POLN: variants seen among roughly 807,000 people sequenced by gnomAD.
POLN encodes DNA polymerase nu.
POLN carries 108 observed loss-of-function variants against 113.5 expected under a neutral mutation model. The observed-to-expected ratio is 0.95, with a 90% confidence interval of 0.81 to 1.12. The LOEUF is 1.12. POLN is among the 50% of genes most tolerant of loss of function. The pLI is 0.00. For missense variants in POLN, 1,097 were observed against 1,077.1 expected (o/e 1.02, Z -0.26); for synonymous variants, 386 against 391.5 (o/e 0.99, Z 0.17).
chr4:2,206,579 T>C (rs1190130342), intron 5 of POLN, among the ~76,000 whole-genome samples: 1 of 152,002 alleles, frequency 6.6e-6, no homozygotes, highest in Admixed American at 6.5e-5. Context: ...CATCAAAAAG[T>C]GGGCTAAGGA....
intron 6 of POLN, among the ~76,000 whole-genome samples, chr4:2,197,687 T>C (rs1203607688): frequency 6.6e-6 from 1 of 152,154 alleles, no homozygotes; most frequent in Non-Finnish European, 1.5e-5. Flanking sequence ...AAATGAAGGG[T>C]TCTGTTGGGA....
At chr4:2,218,277 C>CAAAAAAAAAAA (rs376746658) in intron 3 of POLN, among the ~76,000 whole-genome samples, 4 of 89,798 alleles carry the variant, frequency 4.5e-5, no homozygotes, top group African/African-American at 1.5e-4. Context: ...ACTAAAAATA[C>CAAAAAAAAAAA]AAAAAAAAAA....
At chr4:2,073,138 C>T in intron 24 of POLN, 109 bp from the exon 25 acceptor site, 1 of 1,054,976 alleles carries the variant, frequency 9.5e-7, no homozygotes, top group African/African-American at 1.6e-5. Context: ...CCCTGAGCCC[C>T]CTTGTTTCCT....
intron 25 of POLN, 112 bp from the exon 26 acceptor site, chr4:2,072,411 A>G: frequency 1.1e-6 from 1 of 901,990 alleles, no homozygotes; most frequent in Non-Finnish European, 1.6e-6. Flanking sequence ...ACACATCCAG[A>G]TACATGATCA....
At chr4:2,174,497 C>G (rs890767263) in intron 10 of POLN, among the ~76,000 whole-genome samples, 194 bp downstream of exon 10, 2 of 152,162 alleles carry the variant, frequency 1.3e-5, no homozygotes, top group Non-Finnish European at 2.9e-5. Context: ...GTCAGAACCT[C>G]GAGTCTTTCC....
intron 16 of POLN, among the ~76,000 whole-genome samples, chr4:2,136,376 A>G (rs1373970520): frequency 6.6e-6 from 1 of 152,228 alleles, no homozygotes; most frequent in Non-Finnish European, 1.5e-5. Flanking sequence ...CCGCAGAGGA[A>G]GGCACCTGTG....
At chr4:2,233,456 A>G (rs1487241676) in intron 2 of POLN, among the ~76,000 whole-genome samples, 2 of 152,122 alleles carry the variant, frequency 1.3e-5, no homozygotes, top group African/African-American at 4.8e-5. Flanking sequence ...TCACATTTTA[A>G]CATATCTGAA....
intron 13 of POLN, among the ~76,000 whole-genome samples, chr4:2,166,538 T>C (rs1384409816): frequency 6.6e-6 from 1 of 152,150 alleles, no homozygotes; most frequent in Non-Finnish European, 1.5e-5. Context: ...TGTGCGAGTG[T>C]TTCCAGAGGA....
At chr4:2,106,582 C>G (rs929406292) in intron 19 of POLN, among the ~76,000 whole-genome samples, 4 of 152,202 alleles carry the variant, frequency 2.6e-5, no homozygotes, top group African/African-American at 9.7e-5. Flanking sequence ...CCTCTTTCAG[C>G]ACACACAGGA....
intron 3 of POLN, chr4:2,228,324 T>C (rs1734454400): frequency 1.8e-5 from 4 of 224,722 alleles, no homozygotes; most frequent in South Asian, 1.7e-4. Context: ...TTCAGTGACA[T>C]TTGTGAGCAT....
In POLN at chr4:2,126,459, T is replaced by C. The variant is rs1262561255; in HGVS notation, c.1982+1654A>G. On this transcript the variant is annotated intron_variant, in intron 19 of 25. Transcript: ENST00000511885. This position sits in a 1 kb window ranked among gnomAD's most constrained non-coding sequence, Gnocchi z 4.6. The stretch of plus-strand genomic sequence containing the variant: ...AGTCCCCACCCTTTGTGGAGCACAG[T>C]AGGGACGAGGGTGGATGAGGTCTCG... Among the ~76,000 whole-genome samples the C allele has an allele frequency of 6.6e-6, 1 of 152,148 alleles. No homozygotes were observed. Among genetic ancestry groups the C allele is most frequent in the Non-Finnish European group, 1.5e-5 (1 of 68,016 alleles).
chr4:2,105,532 T>C (rs971858125), intron 19 of POLN, among the ~76,000 whole-genome samples: 2 of 152,084 alleles, frequency 1.3e-5, no homozygotes, highest in Non-Finnish European at 2.9e-5. Context: ...GGGATTATCA[T>C]CAGGCAAGAG....
At chr4:2,146,359 T>G (rs1456336215) in intron 16 of POLN, among the ~76,000 whole-genome samples, 1 of 151,792 alleles carries the variant, frequency 6.6e-6, no homozygotes, top group Non-Finnish European at 1.5e-5. Flanking sequence ...TACAAAAAAA[T>G]TAGCCAGGCG....
intron 11 of POLN, 68 bp from the exon 12 acceptor site, chr4:2,171,249 C>A (rs1173274577): frequency 1.4e-6 from 2 of 1,458,252 alleles, no homozygotes; most frequent in Admixed American, 1.8e-5. Flanking sequence ...TTAATTTGTT[C>A]ATCAAACAAT....
chr4:2,172,905 C>T (rs1732899349), intron 11 of POLN, among the ~76,000 whole-genome samples: 2 of 152,178 alleles, frequency 1.3e-5, no homozygotes, highest in Admixed American at 6.5e-5. Flanking sequence ...CAACCACACG[C>T]CTATCGGCAG....
intron 21 of POLN, chr4:2,082,767 C>T (rs1289755978): frequency 6.6e-6 from 1 of 152,268 alleles, no homozygotes; most frequent in African/African-American, 2.4e-5. Context: ...TCCCTTTCAG[C>T]TTCTGCTGCT....
intron 7 of POLN, among the ~76,000 whole-genome samples, chr4:2,181,645 G>GA (rs1319525904): frequency 5.9e-5 from 9 of 151,490 alleles, no homozygotes; most frequent in East Asian, 1.9e-4. Context: ...GAAATCAAAG[G>GA]AAAGAAAACA....
chr4:2,216,247 T>C (rs888008040), intron 3 of POLN, among the ~76,000 whole-genome samples: 2 of 152,236 alleles, frequency 1.3e-5, no homozygotes, highest in Non-Finnish European at 2.9e-5. Context: ...GTGCCCCTGC[T>C]GGAAAGGTTT....
intron 16 of POLN, among the ~76,000 whole-genome samples, chr4:2,141,331 C>T (rs1437280198): frequency 6.6e-6 from 1 of 152,150 alleles, no homozygotes; most frequent in Non-Finnish European, 1.5e-5. Flanking sequence ...GATTCAGAGC[C>T]CAGCTGCTCT....
Sources: allele counts gnomAD v4.1 joint callset (sites outside exome capture counted in the v4.1 genomes callset), GRCh38; gene constraint gnomAD v4.1.1; non-coding constraint Gnocchi (gnomAD v3.1); transcripts MANE v1.5; gene names NCBI Gene and HGNC (gene_info 2026-07-23, HGNC 2026-07-21).